Variants in CACNA2D3 observed in about 807,000 individuals in gnomAD.
CACNA2D3 encodes the protein voltage-dependent calcium channel subunit alpha-2/delta-3.
A neutral mutation model predicts 160.6 loss-of-function variants in CACNA2D3; 60 were observed. The ratio of observed to expected loss-of-function variants is 0.37; its 90% CI spans 0.30 to 0.46. CACNA2D3 has a LOEUF of 0.46. CACNA2D3 is among the 20% of genes least tolerant of loss of function. The pLI, the probability that CACNA2D3 is intolerant of heterozygous loss-of-function variation, is 1.00. For missense variants in CACNA2D3, 1,205 were observed against 1,365.0 expected (o/e 0.88, Z 1.85); for synonymous variants, 558 against 492.9 (o/e 1.13, Z -1.75).
At chr3:54,402,012 G>A (rs541254845) in intron 4 of CACNA2D3, among the ~76,000 whole-genome samples, 1 of 152,242 alleles carries the variant, frequency 6.6e-6, no homozygotes, top group African/African-American at 2.4e-5. Flanking sequence ...GAGGGCAAAA[G>A]TCAAGAGTGT....
At chr3:54,712,930 T>C (rs937427621) in intron 11 of CACNA2D3, among the ~76,000 whole-genome samples, 1 of 152,206 alleles carries the variant, frequency 6.6e-6, no homozygotes, top group Non-Finnish European at 1.5e-5. Flanking sequence ...ATCTGCAACC[T>C]TAATTCCCCT....
intron 4 of CACNA2D3, among the ~76,000 whole-genome samples, chr3:54,496,731 C>T (rs552234524): frequency 6.6e-6 from 1 of 152,188 alleles, no homozygotes; most frequent in East Asian, 1.9e-4. Flanking sequence ...CATAAAGTAT[C>T]CTTTACTTTT....
At chr3:55,041,993 A>G (rs1703968990) in intron 35 of CACNA2D3, among the ~76,000 whole-genome samples, 2 of 151,836 alleles carry the variant, frequency 1.3e-5, no homozygotes, top group Admixed American at 1.3e-4. Flanking sequence ...TCCTACTTCA[A>G]CTCTGTTGTG....
chr3:54,999,025 C>T (rs772360789), intron 31 of CACNA2D3, among the ~76,000 whole-genome samples: 8 of 152,304 alleles, frequency 5.3e-5, no homozygotes, highest in East Asian at 1.9e-4. Flanking sequence ...GGATTACAGG[C>T]GTGAGCCACC....
intron 3 of CACNA2D3, among the ~76,000 whole-genome samples, chr3:54,331,002 A>T (rs753285697): frequency 6.6e-5 from 10 of 151,988 alleles, no homozygotes; most frequent in Non-Finnish European, 1.5e-4. Context: ...AATGGAGGGG[A>T]TGGGCAGAAG....
intron 3 of CACNA2D3, among the ~76,000 whole-genome samples, chr3:54,346,062 C>T (rs1255429433): frequency 6.6e-6 from 1 of 152,090 alleles, no homozygotes; most frequent in Non-Finnish European, 1.5e-5. Context: ...AACAAAGTTC[C>T]CATCCTCAAG....
intron 9 of CACNA2D3, among the ~76,000 whole-genome samples, chr3:54,583,514 G>A (rs1702712467): frequency 6.6e-6 from 1 of 152,166 alleles, no homozygotes; most frequent in African/African-American, 2.4e-5. Flanking sequence ...TATAGGTTGA[G>A]TATTCCTTAT....
At chr3:54,918,995 CTT>C (rs3832225) in intron 27 of CACNA2D3, 308,180 of 705,030 alleles carry the variant, frequency 0.44, 67,140 homozygotes, top group East Asian at 0.74. Flanking sequence ...TATGAAGTAC[CTT>C]TTTTTTTTTT....
intron 14 of CACNA2D3, among the ~76,000 whole-genome samples, chr3:54,836,172 G>A (rs538228773): frequency 6.6e-6 from 1 of 151,524 alleles, no homozygotes; most frequent in Admixed American, 6.6e-5. Context: ...CCAATTGAGA[G>A]GTTTACAGAC....
At chr3:54,913,377 G>A (rs1461214687) in intron 27 of CACNA2D3, among the ~76,000 whole-genome samples, 15 of 152,080 alleles carry the variant, frequency 9.9e-5, no homozygotes, top group East Asian at 5.8e-4. Context: ...CGTGGCCCTC[G>A]TAACTTTCTC....
rs201096330 is a variant in CACNA2D3 at position 54,924,735 on chromosome 3, C to T, written c.2449+24867C>T. On this transcript the variant is annotated intron_variant, in intron 27 of 37. Transcript: ENST00000474759. ...ACTGGGCATGGATTCCAGGAGCGCTCGATCAAGCTGCTGAAGCTGGTTTTG... is the reference window on the plus strand; with the variant it reads ...ACTGGGCATGGATTCCAGGAGCGCTTGATCAAGCTGCTGAAGCTGGTTTTG... 8 of 1,614,092 alleles carry T rather than the reference C, an allele frequency of 5.0e-6. No individual in the cohort carries two copies. The East Asian group carries it at 6.7e-5, about 13-fold the overall frequency.
At chr3:54,576,898 G>A (rs371863563) in intron 8 of CACNA2D3, among the ~76,000 whole-genome samples, 4 of 152,224 alleles carry the variant, frequency 2.6e-5, no homozygotes, top group Admixed American at 6.5e-5. Context: ...TTAGCTGGAC[G>A]TGGTGGCATG....
At chr3:54,969,658 C>G in intron 28 of CACNA2D3, 142 bp from the exon 29 acceptor site, 1 of 635,046 alleles carries the variant, frequency 1.6e-6, no homozygotes, top group Non-Finnish European at 2.9e-6. Flanking sequence ...ATGGAGCATT[C>G]CTTTTCAATG....
chr3:54,129,487 C>T (rs1699663162), intron 2 of CACNA2D3, among the ~76,000 whole-genome samples: 1 of 152,138 alleles, frequency 6.6e-6, no homozygotes, highest in Non-Finnish European at 1.5e-5. Flanking sequence ...TACCCCAAAT[C>T]AACATTATGA....
chr3:54,156,378 A>G (rs1700244304), intron 2 of CACNA2D3, among the ~76,000 whole-genome samples: 1 of 152,120 alleles, frequency 6.6e-6, no homozygotes, highest in African/African-American at 2.4e-5. Context: ...TTCATACACT[A>G]ATGCCGTCAG....
intron 29 of CACNA2D3, among the ~76,000 whole-genome samples, chr3:54,980,475 CA>C (rs1702482904): frequency 6.6e-6 from 1 of 152,200 alleles, no homozygotes; most frequent in African/African-American, 2.4e-5. Context: ...TTAATCTAGG[CA>C]GAAAAAATCC....
At chr3:54,213,106 C>T (rs966267301) in intron 2 of CACNA2D3, among the ~76,000 whole-genome samples, 5 of 152,274 alleles carry the variant, frequency 3.3e-5, no homozygotes, top group South Asian at 2.1e-4. Flanking sequence ...AGATGACCCC[C>T]CTTCAGTGGC....
chr3:54,912,189 A>G (rs1442626121), intron 27 of CACNA2D3, among the ~76,000 whole-genome samples: 1 of 152,188 alleles, frequency 6.6e-6, no homozygotes, highest in Non-Finnish European at 1.5e-5. Context: ...TTTACTTTGA[A>G]TAGGACAAGC....
chr3:54,873,642 C>T (rs1317653977), intron 18 of CACNA2D3, among the ~76,000 whole-genome samples: 1 of 152,186 alleles, frequency 6.6e-6, no homozygotes, highest in Admixed American at 6.5e-5. Context: ...CCACATGACA[C>T]CCAGGACTGC....
Sources: gnomAD v4.1 joint callset for allele counts (sites outside exome capture counted in the v4.1 genomes callset) on GRCh38, gnomAD v4.1.1 for gene constraint, MANE v1.5 for transcripts, NCBI Gene and HGNC (gene_info 2026-07-23, HGNC 2026-07-21) for gene names.